Variants in CLPTM1 observed in about 807,000 individuals in gnomAD.
CLPTM1 encodes CLPTM1 regulator of GABA type A receptor forward trafficking.
A neutral mutation model predicts 77.3 loss-of-function variants in CLPTM1; 21 were observed. The observed-to-expected ratio is 0.27, with a 90% CI of 0.19 to 0.39. CLPTM1 has a LOEUF of 0.39. Ranked by LOEUF, CLPTM1 falls within the 10% of genes least tolerant of loss-of-function variation. The probability of loss-of-function intolerance (pLI) is 1.00; values close to 1 mark genes in which losing one functional copy is unlikely to be tolerated. For missense variants in CLPTM1, 642 were observed against 921.2 expected, an observed-to-expected ratio of 0.70 and a Z score of 3.92; for synonymous variants, 373 against 381.0, an observed-to-expected ratio of 0.98 and a Z score of 0.24.
At chr19:44,959,233 T>C (rs1044642653) in intron 1 of CLPTM1, among the ~76,000 whole-genome samples, 2 of 152,002 alleles carry the variant, frequency 1.3e-5, no homozygotes, top group East Asian at 1.9e-4. Flanking sequence ...TTTTTTTTTT[T>C]CTAAGTAAGA....
chr19:44,960,121 C>T (rs1364819584), intron 1 of CLPTM1, among the ~76,000 whole-genome samples: 2 of 152,114 alleles, frequency 1.3e-5, no homozygotes, highest in Non-Finnish European at 2.9e-5. Context: ...GATTTCCCTT[C>T]CCCAGCCGAC....
At chr19:44,986,660 C>T in intron 7 of CLPTM1, 85 bp downstream of exon 7, 3 of 1,526,598 alleles carry the variant, frequency 2.0e-6, no homozygotes, top group Non-Finnish European at 1.8e-6. Flanking sequence ...CTGGCCCTGT[C>T]CCCCTGAGAG....
rs1469631402 is a variant in CLPTM1, at chr19:44,992,522, C to G, written c.1724-89C>G. Reference sequence around the variant, plus strand: ...GGTGCTCAGTCTGAGGGGGCTCGGCCCCGCCCTTGCATCACGCCCTCTCCA... The same window carrying G: ...GGTGCTCAGTCTGAGGGGGCTCGGCGCCGCCCTTGCATCACGCCCTCTCCA... On this transcript the variant is annotated intron_variant, in intron 13 of 13. Coordinates refer to ENST00000337392, the MANE Select transcript of CLPTM1 (RefSeq NM_001294.4). The surrounding 1 kb of genome is among the most constrained non-coding windows in gnomAD (Gnocchi z 7.7). The G allele has an allele frequency of 8.2e-6, 13 of 1,592,338 alleles. No homozygotes were observed. Among genetic ancestry groups the G allele is most frequent in the Non-Finnish European group, 1.0e-5 (12 of 1,165,502 alleles).
upstream of CLPTM1, chr19:44,955,364 TGGC>T: frequency 2.2e-6 from 1 of 454,620 alleles, no homozygotes; most frequent in South Asian, 8.2e-5. Context: ...GGGGCGGGGC[TGGC>T]GGCGGGGGCG....
chr19:44,990,107 G>T lies in CLPTM1; in HGVS notation c.1133-288G>T. 1 of 447,364 alleles carries T rather than the reference G, an allele frequency of 2.2e-6. No homozygotes were observed. The highest frequency in any genetic ancestry group is 4.0e-6 in the Non-Finnish European group (1 of 249,606). The allele number at this position is 447,364 out of a possible 1,614,324, so 27.7% of individuals were successfully genotyped here. A position where few individuals can be genotyped will look rare whatever the true frequency, so the allele number is the denominator to read the frequency against. On this transcript the variant is annotated intron_variant, in intron 9 of 13. Coordinates refer to ENST00000337392, the MANE Select transcript of CLPTM1 (RefSeq NM_001294.4). This position sits in a 1 kb window ranked among gnomAD's most constrained non-coding sequence, Gnocchi z 4.8. The stretch of plus-strand genomic sequence containing the variant: ...TAGCACCTGGCACGTGGTGAGCCCT[G>T]TCCATGGCACCAGTCACCGTCACCA...
rs745396222 is a variant in CLPTM1, at chr19:44,973,195, C to T, written c.294C>T (p.Pro98=). ...APRVASRNLF[P]KDTLMNLHVY... ...GCGTCGCCAGCCGCAACCTGTTCCCCAAAGACACTTTAATGGTAACTGCCG... is the reference window on the plus strand; with the variant it reads ...GCGTCGCCAGCCGCAACCTGTTCCCTAAAGACACTTTAATGGTAACTGCCG... The change falls in exon 3 of 14, where the codon CCC becomes CCT. Residue 98 remains proline (P), a synonymous_variant. Coordinates refer to ENST00000337392, the MANE Select transcript of CLPTM1 (RefSeq NM_001294.4). 200 of 1,613,940 alleles carry T rather than the reference C, an allele frequency of 1.2e-4. No homozygotes were observed. The highest frequency in any genetic ancestry group is 1.6e-4 in the Non-Finnish European group (194 of 1,179,950).
At chr19:44,963,423 T>G (rs1484981903) in intron 2 of CLPTM1, among the ~76,000 whole-genome samples, 4 of 150,004 alleles carry the variant, frequency 2.7e-5, no homozygotes, top group Non-Finnish European at 5.9e-5. Flanking sequence ...CCTCCCGGGT[T>G]CACGCCATTC....
Position 44,987,389 on chromosome 19 carries a change from A to G in CLPTM1, c.1004A>G (p.Tyr335Cys), listed in dbSNP as rs757907129. ...SPWNFLGDEL[Y>C]EQSDEEQDSV... ...TGGAACTTCCTGGGTGATGAGTTGT[A>G]CGAGCAGTCAGATGAGGAGCAGGAC... The change falls in exon 8 of 14, where the codon TAC (tyrosine) becomes TGC (cysteine). Residue 335 changes from tyrosine to cysteine, a missense_variant. This residue lies in a region of CLPTM1 where 521 missense variants were observed against 800.4 expected (regional missense o/e 0.65). Coordinates refer to ENST00000337392, the MANE Select transcript of CLPTM1 (RefSeq NM_001294.4). 1.9e-6 allele frequency: 3 copies of G among 1,613,986 alleles called. No individual in the cohort carries two copies. Among genetic ancestry groups the G allele is most frequent in the Non-Finnish European group, 2.5e-6 (3 of 1,179,918 alleles).
At chr19:44,961,753 A>G (rs1441089456) in intron 1 of CLPTM1, among the ~76,000 whole-genome samples, 1 of 152,156 alleles carries the variant, frequency 6.6e-6, no homozygotes, top group East Asian at 1.9e-4. Flanking sequence ...CTAGGTCACC[A>G]CTGTCCCTAG....
rs574506998 is a variant in CLPTM1, at chr19:44,990,334, G to C, written c.1133-61G>C. ...ATGCAGGCCAAGGGGGCCTGAGGGA[G>C]CTGCAGTAGGGTCTCAGCACCTCCT... On this transcript the variant is annotated intron_variant, in intron 9 of 13. Transcript: ENST00000337392. This position sits in a 1 kb window ranked among gnomAD's most constrained non-coding sequence, Gnocchi z 4.8. 2 of 1,557,568 alleles carry C rather than the reference G, an allele frequency of 1.3e-6. No individual in the cohort carries two copies. The highest frequency in any genetic ancestry group is 2.7e-5 in the African/African-American group (2 of 73,846).
chr19:44,972,703 T>G (rs1045600456), intron 2 of CLPTM1, among the ~76,000 whole-genome samples: 9 of 152,108 alleles, frequency 5.9e-5, no homozygotes, highest in African/African-American at 2.2e-4. Flanking sequence ...CTGAAGGGGT[T>G]CCAGATTCTT....
rs1436251616 is a variant in CLPTM1, at chr19:44,990,315, G to A, written c.1133-80G>A. 1.1e-5 allele frequency: 17 copies of A among 1,482,212 alleles called. No individual in the cohort carries two copies. Among genetic ancestry groups the A allele is most frequent in the African/African-American group, 2.8e-5 (2 of 72,288 alleles). 91.8% of individuals were successfully genotyped at this position (1,482,212 alleles called of 1,614,324 possible). On this transcript the variant is annotated intron_variant, in intron 9 of 13. Coordinates refer to ENST00000337392, the MANE Select transcript of CLPTM1 (RefSeq NM_001294.4). This position sits in a 1 kb window ranked among gnomAD's most constrained non-coding sequence, Gnocchi z 4.8. Reference sequence around the variant, plus strand: ...CCCACCCCAGGGTGTGAGGATGCAGGCCAAGGGGGCCTGAGGGAGCTGCAG... The same window carrying A: ...CCCACCCCAGGGTGTGAGGATGCAGACCAAGGGGGCCTGAGGGAGCTGCAG...
chr19:44,975,813 C>G (rs185466571), intron 4 of CLPTM1, among the ~76,000 whole-genome samples: 4 of 152,308 alleles, frequency 2.6e-5, no homozygotes, highest in Admixed American at 2.6e-4. Flanking sequence ...ATCCACCTAC[C>G]TTGGTCTCCC....
At chr19:44,975,279 T>G (rs1056076340) in intron 4 of CLPTM1, among the ~76,000 whole-genome samples, 1 of 152,260 alleles carries the variant, frequency 6.6e-6, no homozygotes, top group African/African-American at 2.4e-5. Context: ...TTGGGACTCC[T>G]GTATGGGACT....
chr19:44,955,031 G>C (rs531768966), upstream of CLPTM1: 35 of 1,535,706 alleles, frequency 2.3e-5, 1 homozygote, highest in Admixed American at 2.2e-4. Context: ...AGGACGCGAA[G>C]AATCGGCAGG....
Position 44,985,323 on chromosome 19 carries a change from AG to A in CLPTM1, c.672+23del. On this transcript the variant is annotated intron_variant, in intron 6 of 13. Transcript: ENST00000337392. ...ATCAAGGTAAATGGGCAGGGTTGTCAGGGCCTATAGGGACCAAGCCAGGCCA... is the reference window on the plus strand; with the variant it reads ...ATCAAGGTAAATGGGCAGGGTTGTCAGGCCTATAGGGACCAAGCCAGGCCA... 6.5e-7 allele frequency: 1 copy of A among 1,536,508 alleles called. No homozygotes were observed. The highest frequency in any genetic ancestry group is 1.1e-5 in the South Asian group (1 of 89,164).
In CLPTM1 at chr19:44,991,864, C is replaced by A. The variant is rs1240028169; in HGVS notation, c.1556-369C>A. On this transcript the variant is annotated intron_variant, in intron 12 of 13. Coordinates refer to ENST00000337392, the MANE Select transcript of CLPTM1 (RefSeq NM_001294.4). The surrounding 1 kb of genome is among the most constrained non-coding windows in gnomAD (Gnocchi z 5.4). ...AAGCTGCAGTGAGCCATGATTACGC[C>A]ACTGCACTCCAGCCTGGGTGACAGA... 6.6e-6 allele frequency among the ~76,000 whole-genome samples: 1 copy of A among 152,026 alleles called. No individual in the cohort carries two copies. The highest frequency in any genetic ancestry group is 1.5e-5 in the Non-Finnish European group (1 of 68,022).
At chr19:44,970,259 A>G (rs1193792108) in intron 2 of CLPTM1, among the ~76,000 whole-genome samples, 1 of 146,258 alleles carries the variant, frequency 6.8e-6, no homozygotes, top group Non-Finnish European at 1.5e-5. Context: ...CGCCCTGCAT[A>G]CCTGTTGTGC....
At position 44,992,808 on chromosome 19, in the gene CLPTM1, C is replaced by G. The variant is rs967497730; in HGVS notation, c.1921C>G (p.Leu641Val). ...CACCAGGGAGGAGGCCTCCACGTCC[C>G]TGCCCACCAAGCCCACCCAGGGGGC... The part of the protein sequence containing the change: ...TATREEASTS[L>V]PTKPTQGASS... Residue 641 changes from leucine (L) to valine (V), a missense_variant, in exon 14 of 14, where the codon CTG becomes GTG. Around this residue, in one of 2 missense-constraint regions of CLPTM1, gnomAD observed 521 missense variants for 800.4 expected, o/e 0.65. Coordinates refer to ENST00000337392, the MANE Select transcript of CLPTM1 (RefSeq NM_001294.4). This position sits in a 1 kb window ranked among gnomAD's most constrained non-coding sequence, Gnocchi z 7.7. 1 of 1,613,586 alleles carries G rather than the reference C, an allele frequency of 6.2e-7. No homozygotes were observed. The highest frequency in any genetic ancestry group is 8.5e-7 in the Non-Finnish European group (1 of 1,179,886).
Sources: gnomAD v4.1 joint callset for allele counts (sites outside exome capture counted in the v4.1 genomes callset) on GRCh38, gnomAD v4.1.1 for gene constraint, gnomAD v4.1.1 regional missense constraint, Gnocchi (gnomAD v3.1) non-coding constraint, MANE v1.5 for transcripts, NCBI Gene and HGNC (gene_info 2026-07-23, HGNC 2026-07-21) for gene names.